Variants in HAND2 observed in about 807,000 individuals in gnomAD.
HAND2 encodes heart- and neural crest derivatives-expressed protein 2.
Under a neutral mutation model 14.7 loss-of-function variants are expected in HAND2, and 2 were observed. That is an observed-to-expected ratio of 0.14 (90% CI 0.06 to 0.43). The LOEUF (loss-of-function observed/expected upper bound fraction) is 0.43, where lower values mean the gene tolerates loss of function less well. Ranked by LOEUF, HAND2 falls within the 20% of genes least tolerant of loss-of-function variation. The pLI, the probability that HAND2 is intolerant of heterozygous loss-of-function variation, is 0.99. For synonymous variants in HAND2, 162 were observed against 135.9 expected (o/e 1.19, Z -1.34); for missense variants, 275 against 313.6 (o/e 0.88, Z 0.93).
rs1021965010 is a variant in HAND2 at position 173,528,233 on chromosome 4, T to C, written c.555+502A>G. The C allele has an allele frequency of 6.3e-6, 1 of 158,988 alleles. No individual in the cohort carries two copies. Among genetic ancestry groups the C allele is most frequent in the African/African-American group, 2.4e-5 (1 of 41,570 alleles). 9.8% of individuals were successfully genotyped at this position (158,988 alleles called of 1,614,324 possible). A position where few individuals can be genotyped will look rare whatever the true frequency, so the allele number is the denominator to read the frequency against. On this transcript the variant is annotated intron_variant, in intron 1 of 1. Coordinates refer to ENST00000359562, the MANE Select transcript of HAND2 (RefSeq NM_021973.3). The surrounding 1 kb of genome is among the most constrained non-coding windows in gnomAD (Gnocchi z 5.6). ...ACCATTACGTTTTCCGGGCATAGTA[T>C]GAGAACAACCACAAAACTCAGGGCT... is the stretch of plus-strand genomic sequence containing the variant.
chr4:173,527,256 T>C lies in HAND2; in HGVS notation c.*21A>G. 15 of 1,566,844 alleles carry C rather than the reference T, an allele frequency of 9.6e-6. No individual in the cohort carries two copies. The highest frequency in any genetic ancestry group is 1.3e-5 in the Non-Finnish European group (15 of 1,141,122). ...TGGCCCCTGCTCACTCGCGCTCTCC[T>C]CCTCCTCCTTCTCCTCCTCCTCACT... On this transcript the variant is annotated 3_prime_UTR_variant, in exon 2 of 2. Coordinates refer to ENST00000359562, the MANE Select transcript of HAND2 (RefSeq NM_021973.3).
chr4:173,527,618 C>T (rs898246162), intron 1 of HAND2: 19 of 542,276 alleles, frequency 3.5e-5, no homozygotes, highest in African/African-American at 3.2e-4. Flanking sequence ...AACAACCGCC[C>T]GTTTTCGAGT....
rs1233315754 is a variant in HAND2, at chr4:173,529,872, C to T, written c.-583G>A. 3.9e-5 allele frequency: 6 copies of T among 152,238 alleles called. No homozygotes were observed. The highest frequency in any genetic ancestry group is 8.8e-5 in the Non-Finnish European group (6 of 68,142). 9.4% of individuals were successfully genotyped at this position (152,238 alleles called of 1,614,324 possible). Reference sequence around the variant, plus strand: ...CCCTCCCCTTCCCGCCTCTTCCCCTCCCCCCACCAGCCCGATCTGGGTTCT... The same window carrying T: ...CCCTCCCCTTCCCGCCTCTTCCCCTTCCCCCACCAGCCCGATCTGGGTTCT... On this transcript the variant is annotated 5_prime_UTR_variant, in exon 1 of 2. Transcript: ENST00000359562.
At chr4:173,527,605 A>G in intron 1 of HAND2, 1 of 566,204 alleles carries the variant, frequency 1.8e-6, no homozygotes, top group Non-Finnish European at 3.2e-6. Context: ...CCACAAGTTT[A>G]TAAACAACCG....
At position 173,529,008 on chromosome 4, in the gene HAND2, C is replaced by A. The variant is rs753296525; in HGVS notation, c.282G>T (p.Gly94=). The A allele has an allele frequency of 6.3e-6, 10 of 1,590,118 alleles. No individual in the cohort carries two copies. Among genetic ancestry groups the A allele is most frequent in the Non-Finnish European group, 7.7e-6 (9 of 1,171,230 alleles). ...PPGAGPPGLG[G]PRPVKRRGTA... ...TGCCTCGGCGCTTCACCGGGCGCGG[C>A]CCCCCCAGGCCCGGGGGCCCGGCGC... Residue 94 remains glycine, a synonymous_variant, in exon 1 of 2, where the codon GGG becomes GGT. Coordinates refer to ENST00000359562, the MANE Select transcript of HAND2 (RefSeq NM_021973.3).
At position 173,528,991 on chromosome 4, in the gene HAND2, C is replaced by A; in HGVS notation, c.299G>T (p.Arg100Leu). The change falls in exon 1 of 2, where the codon CGC (arginine) becomes CTC (leucine). Residue 100 changes from arginine (R) to leucine (L), a missense_variant. This residue lies in a region of HAND2 where 175 missense variants were observed against 157.1 expected (regional missense o/e 1.11). Transcript: ENST00000359562. The surrounding 1 kb of genome is among the most constrained non-coding windows in gnomAD (Gnocchi z 5.6). The stretch of plus-strand genomic sequence containing the variant: ...CTCCTTGCGGTTGGCGGTGCCTCGG[C>A]GCTTCACCGGGCGCGGCCCCCCCAG... ...PGLGGPRPVK[R>L]RGTANRKERR... 1 of 1,611,416 alleles carries A rather than the reference C, an allele frequency of 6.2e-7. No homozygotes were observed. Among genetic ancestry groups the A allele is most frequent in the Non-Finnish European group, 8.5e-7 (1 of 1,178,848 alleles).
Position 173,529,235 on chromosome 4 carries a change from G to A in HAND2, c.55C>T (p.Pro19Ser). ...GCTGCGGCGGCGGCGGCGGCAAACG[G>A]GTAGCCCTCGTGGTGCACCACCGGG... ...HHPVVHHEGY[P>S]FAAAAAAAAA... Residue 19 changes from proline (P) to serine (S), a missense_variant, in exon 1 of 2, where the codon CCG becomes TCG. By Grantham distance (74) the Pro-to-Ser change is moderately conservative. Around this residue, in one of 4 missense-constraint regions of HAND2, gnomAD observed 175 missense variants for 157.1 expected, o/e 1.11. Coordinates refer to ENST00000359562, the MANE Select transcript of HAND2 (RefSeq NM_021973.3). The A allele has an allele frequency of 2.1e-6, 3 of 1,416,340 alleles. No individual in the cohort carries two copies. Among genetic ancestry groups the A allele is most frequent in the Non-Finnish European group, 2.7e-6 (3 of 1,091,514 alleles). 87.7% of individuals were successfully genotyped at this position (1,416,340 alleles called of 1,614,324 possible).
Position 173,528,634 on chromosome 4 carries a change from A to G in HAND2, c.555+101T>C. ...ACAACCTTGAAGCGGGACGCAGCCAAAGAACACGAGATGCCATTTCTCAGC... is the reference window on the plus strand; with the variant it reads ...ACAACCTTGAAGCGGGACGCAGCCAGAGAACACGAGATGCCATTTCTCAGC... On this transcript the variant is annotated intron_variant, in intron 1 of 1. Coordinates refer to ENST00000359562, the MANE Select transcript of HAND2 (RefSeq NM_021973.3). This position sits in a 1 kb window ranked among gnomAD's most constrained non-coding sequence, Gnocchi z 5.6. The G allele has an allele frequency of 1.4e-6, 2 of 1,416,808 alleles. No individual in the cohort carries two copies. Among genetic ancestry groups the G allele is most frequent in the South Asian group, 2.5e-5 (2 of 80,848 alleles). The allele number at this position is 1,416,808 out of a possible 1,614,324, so 87.8% of individuals were successfully genotyped here. A position where few individuals can be genotyped will look rare whatever the true frequency, so the allele number is the denominator to read the frequency against.
rs995565389 is a variant in HAND2, at chr4:173,529,853, C to T, written c.-564G>A. The T allele has an allele frequency of 6.6e-6, 1 of 152,160 alleles. No individual in the cohort carries two copies. The highest frequency in any genetic ancestry group is 2.0e-4 in the East Asian group (1 of 5,126). The allele number at this position is 152,160 out of a possible 1,614,324, so 9.4% of individuals were successfully genotyped here. On this transcript the variant is annotated 5_prime_UTR_variant, in exon 1 of 2. Coordinates refer to ENST00000359562, the MANE Select transcript of HAND2 (RefSeq NM_021973.3). ...CAAAGCTACCTCCGTGCGACCCTCC[C>T]CTTCCCGCCTCTTCCCCTCCCCCCA...
rs542922265 is a variant in HAND2 at position 173,529,984 on chromosome 4, T to A, written c.-695A>T. 1 of 152,216 alleles carries A rather than the reference T, an allele frequency of 6.6e-6. No homozygotes were observed. Among genetic ancestry groups the A allele is most frequent in the South Asian group, 2.1e-4 (1 of 4,804 alleles). 9.4% of individuals were successfully genotyped at this position (152,216 alleles called of 1,614,324 possible). ...TTAGCTGCGAGTAACGTGTCCTCGC[T>A]CCTCTCGCGCTCTCTCGGAGGGTTT... On this transcript the variant is annotated 5_prime_UTR_variant, in exon 1 of 2. Transcript: ENST00000359562.
In HAND2 at chr4:173,527,051, CT is replaced by C. The variant is rs1731476745; in HGVS notation, c.*225del. 1.5e-6 allele frequency: 1 copy of C among 688,784 alleles called. No individual in the cohort carries two copies. Among genetic ancestry groups the C allele is most frequent in the South Asian group, 1.5e-5 (1 of 66,632 alleles). The allele number at this position is 688,784 out of a possible 1,614,324, so 42.7% of individuals were successfully genotyped here. On this transcript the variant is annotated 3_prime_UTR_variant, in exon 2 of 2. Transcript: ENST00000359562. ...CCTCTTCGTATTAAAATATGGAATG[CT>C]TTTCTTCAAATATCCACTTTTTTTT...
chr4:173,527,664 C>G, intron 1 of HAND2: 1 of 432,796 alleles, frequency 2.3e-6, no homozygotes. Flanking sequence ...TTCTCTTACT[C>G]CAGATGTAGG....
Position 173,526,714 on chromosome 4 carries a change from G to C in HAND2, c.*563C>G. The C allele has an allele frequency of 3.5e-6, 1 of 284,952 alleles. No individual in the cohort carries two copies. Among genetic ancestry groups the C allele is most frequent in the South Asian group, 3.7e-5 (1 of 27,176 alleles). 17.7% of individuals were successfully genotyped at this position (284,952 alleles called of 1,614,324 possible). On this transcript the variant is annotated 3_prime_UTR_variant, in exon 2 of 2. Coordinates refer to ENST00000359562, the MANE Select transcript of HAND2 (RefSeq NM_021973.3). ...TAGAGGACGGAAGTGCACAAAACAA[G>C]TGGCTGTTGGAAACATCTTCAAAGA... is the stretch of plus-strand genomic sequence containing the variant.
At position 173,529,187 on chromosome 4, in the gene HAND2, A is replaced by G; in HGVS notation, c.103T>C (p.Cys35Arg). The G allele has an allele frequency of 6.9e-7, 1 of 1,445,980 alleles. No individual in the cohort carries two copies. Among genetic ancestry groups the G allele is most frequent in the South Asian group, 1.6e-5 (1 of 64,196 alleles). 89.6% of individuals were successfully genotyped at this position (1,445,980 alleles called of 1,614,324 possible). A position where few individuals can be genotyped will look rare whatever the true frequency, so the allele number is the denominator to read the frequency against. Reference protein sequence around the residue: ...AAAAAAAASRCSHEENPYFHG... With the variant: ...AAAAAAAASRRSHEENPYFHG... ...AAGTAGGGGTTCTCCTCATGGCTGC[A>G]GCGGCTGGCGGCGGCGGCGGCAGCT... Residue 35 changes from cysteine to arginine, a missense_variant, in exon 1 of 2, where the codon TGC becomes CGC. By Grantham distance (180) the Cys-to-Arg change is radical. Coordinates refer to ENST00000359562, the MANE Select transcript of HAND2 (RefSeq NM_021973.3).
chr4:173,527,650 C>T (rs1731500802), intron 1 of HAND2: 1 of 472,082 alleles, frequency 2.1e-6, no homozygotes, highest in East Asian at 3.9e-5. Context: ...GAGCGGGGGG[C>T]CTTTTCTCTT....
chr4:173,526,611 TG>T lies in HAND2; in HGVS notation c.*665del, dbSNP rs1731457953. The T allele has an allele frequency of 6.5e-6, 1 of 154,184 alleles. No homozygotes were observed. The highest frequency in any genetic ancestry group is 2.6e-5 in the African/African-American group (1 of 38,668). The allele number at this position is 154,184 out of a possible 1,614,324, so 9.6% of individuals were successfully genotyped here. On this transcript the variant is annotated 3_prime_UTR_variant, in exon 2 of 2. Transcript: ENST00000359562. Reference sequence around the variant, plus strand: ...TCAGCCATTAAAAGATTAAGGTTTTTGTAAAAAAAAAACACAGTGGTTTATT... The same window carrying T: ...TCAGCCATTAAAAGATTAAGGTTTTTTAAAAAAAAAACACAGTGGTTTATT...
chr4:173,529,651 C>A lies in HAND2; in HGVS notation c.-362G>T, dbSNP rs1188681263. ...CTGCTGCGCGGAGGCAGAATCCTCTCGTGCTCATACAAAGGTGCCGGGGCT... is the reference window on the plus strand; with the variant it reads ...CTGCTGCGCGGAGGCAGAATCCTCTAGTGCTCATACAAAGGTGCCGGGGCT... On this transcript the variant is annotated 5_prime_UTR_variant, in exon 1 of 2. Transcript: ENST00000359562. 2.6e-5 allele frequency: 4 copies of A among 152,684 alleles called. No individual in the cohort carries two copies. Among genetic ancestry groups the A allele is most frequent in the South Asian group, 3.8e-4 (2 of 5,302 alleles). 9.5% of individuals were successfully genotyped at this position (152,684 alleles called of 1,614,324 possible).
chr4:173,526,952 C>T lies in HAND2; in HGVS notation c.*325G>A, dbSNP rs1731471982. Reference sequence around the variant, plus strand: ...GGTTGGCGGGGGGCAACGCTGGTGTCTACACAGCCAAGAGGGAACATTCAC... The same window carrying T: ...GGTTGGCGGGGGGCAACGCTGGTGTTTACACAGCCAAGAGGGAACATTCAC... On this transcript the variant is annotated 3_prime_UTR_variant, in exon 2 of 2. Transcript: ENST00000359562. 1.8e-6 allele frequency: 1 copy of T among 554,090 alleles called. No individual in the cohort carries two copies. Among genetic ancestry groups the T allele is most frequent in the Admixed American group, 2.2e-5 (1 of 45,328 alleles). 34.3% of individuals were successfully genotyped at this position (554,090 alleles called of 1,614,324 possible).
In HAND2 at chr4:173,527,276, C is replaced by T. The variant is rs202001355; in HGVS notation, c.*1G>A. On this transcript the variant is annotated 3_prime_UTR_variant, in exon 2 of 2. Coordinates refer to ENST00000359562, the MANE Select transcript of HAND2 (RefSeq NM_021973.3). ...TCTCCTCCTCCTCCTTCTCCTCCTCCTCACTGCTTGAGCTCCAGGGCCCAG... is the reference window on the plus strand; with the variant it reads ...TCTCCTCCTCCTCCTTCTCCTCCTCTTCACTGCTTGAGCTCCAGGGCCCAG... 14 of 1,608,078 alleles carry T rather than the reference C, an allele frequency of 8.7e-6. No individual in the cohort carries two copies. The African/African-American group carries it at 1.3e-4, about 15-fold the overall frequency.
Sources: gnomAD v4.1 joint callset for allele counts on GRCh38, gnomAD v4.1.1 for gene constraint, gnomAD v4.1.1 regional missense constraint, Gnocchi (gnomAD v3.1) non-coding constraint, MANE v1.5 for transcripts, NCBI Gene and HGNC (gene_info 2026-07-23, HGNC 2026-07-21) for gene names.